PDE1C: variants seen among roughly 807,000 people sequenced by gnomAD.
PDE1C encodes phosphodiesterase 1C, also known as dual specificity calcium/calmodulin-dependent 3',5'-cyclic nucleotide phosphodiesterase 1C.
PDE1C carries 62 observed loss-of-function variants against 93.1 expected under a neutral mutation model. That is an observed-to-expected ratio of 0.67 (90% CI 0.54 to 0.82). The LOEUF is 0.82. PDE1C is among the 40% of genes least tolerant of loss of function. PDE1C has a pLI of 0.00. For missense variants in PDE1C, 742 were observed against 884.6 expected (o/e 0.84, Z 2.04); for synonymous variants, 325 against 310.1 (o/e 1.05, Z -0.50).
chr7:32,418,219 C>A (rs1479237656), intron 1 of PDE1C, among the ~76,000 whole-genome samples: 1 of 150,874 alleles, frequency 6.6e-6, no homozygotes, highest in Non-Finnish European at 1.5e-5. Context: ...ATGGCAGTAG[C>A]AAGTTGGCCA....
At chr7:32,310,335 C>T (rs11766370) in intron 1 of PDE1C, among the ~76,000 whole-genome samples, 22,271 of 151,962 alleles carry the variant, frequency 0.15, 1,907 homozygotes, top group East Asian at 0.39. Context: ...AACATTAGAC[C>T]GATCAATGAG....
intron 2 of PDE1C, among the ~76,000 whole-genome samples, chr7:32,203,132 G>A (rs950193124): frequency 1.3e-4 from 19 of 151,600 alleles, no homozygotes; most frequent in Non-Finnish European, 1.2e-4. Context: ...TGTCTCAAAC[G>A]TAGTACATGC....
At chr7:32,388,067 A>G (rs74529504) in intron 1 of PDE1C, among the ~76,000 whole-genome samples, 5,899 of 152,262 alleles carry the variant, frequency 0.039, 296 homozygotes, top group African/African-American at 0.11. Flanking sequence ...CTTCATGGCT[A>G]TTGTGCTGGA....
At chr7:32,134,876 G>A (rs765085384) in intron 3 of PDE1C, among the ~76,000 whole-genome samples, 7 of 152,168 alleles carry the variant, frequency 4.6e-5, no homozygotes, top group Non-Finnish European at 8.8e-5. Context: ...GTATACCCAT[G>A]TAACAAACCT....
intron 17 of PDE1C, among the ~76,000 whole-genome samples, chr7:31,770,286 T>C (rs1459669541): frequency 2.0e-5 from 3 of 152,210 alleles, no homozygotes; most frequent in African/African-American, 7.2e-5. Flanking sequence ...TCTTTACATA[T>C]TCTGGATACA....
intron 1 of PDE1C, among the ~76,000 whole-genome samples, chr7:32,311,999 G>T (rs1450596960): frequency 5.3e-5 from 8 of 149,844 alleles, no homozygotes; most frequent in Non-Finnish European, 9.0e-5. Context: ...TGTATATCTA[G>T]AAAACCCCAT....
intron 1 of PDE1C, among the ~76,000 whole-genome samples, chr7:32,277,869 C>T (rs1191658565): frequency 1.3e-5 from 2 of 152,118 alleles, no homozygotes; most frequent in South Asian, 2.1e-4. Flanking sequence ...TATACCATCA[C>T]GATGAACCCT....
At chr7:31,805,670 T>C (rs773763611) in intron 16 of PDE1C, among the ~76,000 whole-genome samples, 1 of 151,550 alleles carries the variant, frequency 6.6e-6, no homozygotes, top group Non-Finnish European at 1.5e-5. Context: ...TGTACTCTTA[T>C]ATTCTTCAGA....
intron 3 of PDE1C, among the ~76,000 whole-genome samples, chr7:32,085,086 C>A (rs1490894771): frequency 1.4e-5 from 2 of 144,328 alleles, no homozygotes; most frequent in Non-Finnish European, 3.0e-5. Context: ...AAAGGATCAA[C>A]AAAATTGATA....
intron 2 of PDE1C, among the ~76,000 whole-genome samples, chr7:32,003,189 A>G (rs1230088362): frequency 6.6e-6 from 1 of 152,246 alleles, no homozygotes; most frequent in African/African-American, 2.4e-5. Context: ...AAGGAAATGT[A>G]GACTCCCTTT....
chr7:31,691,606 T>C, the PDE1C span, among the ~76,000 whole-genome samples: 50 of 151,306 alleles, frequency 3.3e-4, no homozygotes, highest in Non-Finnish European at 6.8e-4. Flanking sequence ...CTCTGGAAAG[T>C]TCAATGAACT....
chr7:32,389,514 G>A (rs957775779), intron 1 of PDE1C, among the ~76,000 whole-genome samples: 2 of 152,150 alleles, frequency 1.3e-5, no homozygotes, highest in African/African-American at 4.8e-5. Context: ...ACCACGCCCA[G>A]CCTGATAGCT....
intron 1 of PDE1C, among the ~76,000 whole-genome samples, chr7:32,239,092 C>G (rs1438826164): frequency 6.6e-6 from 1 of 152,156 alleles, no homozygotes; most frequent in Non-Finnish European, 1.5e-5. Context: ...TGTAGCAAAA[C>G]CCTATCTTCA....
At chr7:31,680,309 T>A in the PDE1C span, among the ~76,000 whole-genome samples, 1 of 152,004 alleles carries the variant, frequency 6.6e-6, no homozygotes, top group African/African-American at 2.4e-5. Flanking sequence ...AAGTAAATGA[T>A]GAGTCAGATC....
chr7:32,210,536 G>A (rs11977444), intron 1 of PDE1C, among the ~76,000 whole-genome samples: 54,451 of 152,044 alleles, frequency 0.36, 10,882 homozygotes, highest in Admixed American at 0.49. Context: ...TACAAAGAAT[G>A]AAAGAAGTCG....
chr7:32,050,064 G>GGTAA (rs1018888423), intron 2 of PDE1C, among the ~76,000 whole-genome samples: 27 of 152,150 alleles, frequency 1.8e-4, no homozygotes, highest in Non-Finnish European at 3.7e-4. Context: ...GTAACACAAT[G>GGTAA]GTAAGTATGT....
At chr7:31,968,591 C>A (rs963367300) in intron 2 of PDE1C, among the ~76,000 whole-genome samples, 4 of 152,032 alleles carry the variant, frequency 2.6e-5, no homozygotes, top group Admixed American at 2.0e-4. Flanking sequence ...ACTTTCTTCA[C>A]AGAATTGGAA....
At chr7:31,651,154 G>A in the PDE1C span, 2 of 1,613,370 alleles carry the variant, frequency 1.2e-6, no homozygotes, top group Non-Finnish European at 1.7e-6. Flanking sequence ...CACAGTCCAT[G>A]AGATGGAAGC....
chr7:31,658,216 T>C, the PDE1C span: 1 of 1,437,862 alleles, frequency 7.0e-7, no homozygotes, highest in South Asian at 1.5e-5. Context: ...AGAAGAACAC[T>C]TCCCAGAAAA....
Sources: allele counts gnomAD v4.1 joint callset (sites outside exome capture counted in the v4.1 genomes callset), GRCh38; gene constraint gnomAD v4.1.1; transcripts MANE v1.5; gene names NCBI Gene and HGNC (gene_info 2026-07-23, HGNC 2026-07-21).